Variants in RASGRP3 observed in about 807,000 individuals in gnomAD.
The protein encoded by RASGRP3 is RAS guanyl releasing protein 3.
Under a neutral mutation model 82.7 loss-of-function variants are expected in RASGRP3, and 54 were observed. The observed-to-expected ratio is 0.65, with a 90% CI of 0.52 to 0.82. The LOEUF (loss-of-function observed/expected upper bound fraction) is 0.82, where lower values mean the gene tolerates loss of function less well. Ranked by LOEUF, RASGRP3 falls within the 40% of genes least tolerant of loss-of-function variation. The pLI is 0.00. For missense variants in RASGRP3, 861 were observed against 828.9 expected (o/e 1.04, Z -0.48); for synonymous variants, 309 against 300.5 (o/e 1.03, Z -0.29).
chr2:33,532,920 A>G lies in RASGRP3; in HGVS notation c.1084-1403A>G, dbSNP rs988755765. 3 of 152,356 alleles carry G rather than the reference A, an allele frequency of 2.0e-5. No homozygotes were observed. In the East Asian group the frequency reaches 5.8e-4, roughly 29 times the overall value. 9.4% of individuals were successfully genotyped at this position (152,356 alleles called of 1,614,324 possible). ...AATGAAATTTTATGACACCAACTTCATTTTTAAAGGAAGTAGAACAGGAAA... is the reference window on the plus strand; with the variant it reads ...AATGAAATTTTATGACACCAACTTCGTTTTTAAAGGAAGTAGAACAGGAAA... On this transcript the variant is annotated intron_variant, in intron 10 of 17. Coordinates refer to ENST00000403687, the MANE Select transcript of RASGRP3 (RefSeq NM_001139488.2).
chr2:33,523,845 T>C (rs773442203), intron 7 of RASGRP3, 34 bp from the exon 8 acceptor site: 6 of 1,563,364 alleles, frequency 3.8e-6, no homozygotes, highest in Non-Finnish European at 5.2e-6. Context: ...AAGGCTCTAT[T>C]ATAATTCAGA....
At chr2:33,441,895 A>G (rs1665244458) in intron 1 of RASGRP3, among the ~76,000 whole-genome samples, 1 of 152,244 alleles carries the variant, frequency 6.6e-6, no homozygotes, top group Non-Finnish European at 1.5e-5. Flanking sequence ...TACATTTTGT[A>G]ACTAACCTAA....
intron 1 of RASGRP3, among the ~76,000 whole-genome samples, chr2:33,491,782 G>A (rs1444628472): frequency 1.3e-5 from 2 of 152,236 alleles, no homozygotes; most frequent in African/African-American, 2.4e-5. Flanking sequence ...CAGCCTCGCA[G>A]CCATCTCTCA....
In RASGRP3 at chr2:33,558,318, A is replaced by G; in HGVS notation, c.1687A>G (p.Ser563Gly). ...LSSGHGSLPG[S>G]PSLPPAQDEV... ...CAGTGGTCATGGGTCACTGCCTGGAAGCCCCTCGCTGCCCCCAGGTAATGC... is the reference window on the plus strand; with the variant it reads ...CAGTGGTCATGGGTCACTGCCTGGAGGCCCCTCGCTGCCCCCAGGTAATGC... Residue 563 changes from serine to glycine, a missense_variant, in exon 16 of 18, where the codon AGC becomes GGC. By Grantham distance (56) the Ser-to-Gly change is moderately conservative. Transcript: ENST00000403687. 6.2e-7 allele frequency: 1 copy of G among 1,613,516 alleles called. No homozygotes were observed. The highest frequency in any genetic ancestry group is 8.5e-7 in the Non-Finnish European group (1 of 1,179,868).
intron 15 of RASGRP3, among the ~76,000 whole-genome samples, chr2:33,556,932 A>G (rs892411703): frequency 2.7e-5 from 2 of 74,946 alleles, no homozygotes; most frequent in African/African-American, 1.0e-4. Flanking sequence ...CACACACGCA[A>G]TTTTATAAAG....
At chr2:33,496,485 A>G (rs1669324493) in intron 1 of RASGRP3, among the ~76,000 whole-genome samples, 1 of 152,244 alleles carries the variant, frequency 6.6e-6, no homozygotes, top group Admixed American at 6.5e-5. Flanking sequence ...AATGTTTCAG[A>G]TAGGGCCTAT....
chr2:33,499,774 A>G (rs1669686043), intron 1 of RASGRP3, among the ~76,000 whole-genome samples: 1 of 119,628 alleles, frequency 8.4e-6, no homozygotes, highest in African/African-American at 5.1e-5. Context: ...AAAAAAAAAA[A>G]GAGAGGATAA....
Position 33,542,665 on chromosome 2 carries a change from C to G in RASGRP3, c.1279-847C>G, listed in dbSNP as rs1049033853. On this transcript the variant is annotated intron_variant, in intron 12 of 17. Transcript: ENST00000403687. ...TTAATCCACCTCCTCTTTCCCCCCC[C>G]CACCAATATCACTCTATTTTATTTA... Among the ~76,000 whole-genome samples the G allele has an allele frequency of 2.1e-5, 3 of 146,304 alleles. 1 individual carries two copies. In the Admixed American group the frequency reaches 2.1e-4, roughly 10 times the overall value.
intron 12 of RASGRP3, among the ~76,000 whole-genome samples, chr2:33,542,840 T>TGG: frequency 6.6e-6 from 1 of 151,988 alleles, no homozygotes; most frequent in Non-Finnish European, 1.5e-5. Flanking sequence ...TATGCCACCA[T>TGG]GCCCAGCTAA....
rs143474029 is a variant in RASGRP3, at chr2:33,563,163, A to G, written c.*426A>G. On this transcript the variant is annotated 3_prime_UTR_variant, in exon 18 of 18. Transcript: ENST00000403687. Reference sequence around the variant, plus strand: ...GTGCTGTGGCAGGGAACAGTTAACAAGGAGTTTATTTAGAGGGGTTTTTTT... The same window carrying G: ...GTGCTGTGGCAGGGAACAGTTAACAGGGAGTTTATTTAGAGGGGTTTTTTT... 4.7e-3 allele frequency: 816 copies of G among 174,422 alleles called. 9 individuals carry two copies. The highest frequency in any genetic ancestry group is 0.018 in the African/African-American group (758 of 42,358). The allele number at this position is 174,422 out of a possible 1,614,324, so 10.8% of individuals were successfully genotyped here. A position where few individuals can be genotyped will look rare whatever the true frequency, so the allele number is the denominator to read the frequency against.
intron 11 of RASGRP3, among the ~76,000 whole-genome samples, chr2:33,534,694 A>ATTTTTTT (rs71910431): frequency 8.2e-5 from 10 of 122,240 alleles, no homozygotes; most frequent in African/African-American, 9.7e-5. Flanking sequence ...ACACCCAGCA[A>ATTTTTTT]TTTTTTTTTT....
chr2:33,555,571 A>T lies in RASGRP3; in HGVS notation c.1579+4A>T, dbSNP rs1351457537. The T allele has an allele frequency of 6.3e-7, 1 of 1,584,498 alleles. No individual in the cohort carries two copies. The highest frequency in any genetic ancestry group is 1.1e-5 in the South Asian group (1 of 88,324). ...AAGCAAGGATACAAATGCAAAGGTA[A>T]ATCAATGTTATTTTGTTACAATTTT... On this transcript the variant is annotated splice_donor_region_variant and intron_variant, in intron 15 of 17. Coordinates refer to ENST00000403687, the MANE Select transcript of RASGRP3 (RefSeq NM_001139488.2).
chr2:33,483,840 C>T lies in RASGRP3; in HGVS notation c.-261+7133C>T, dbSNP rs1668143445. Among the ~76,000 whole-genome samples, 3 of 152,220 alleles carry T rather than the reference C, an allele frequency of 2.0e-5. No individual in the cohort carries two copies. In the South Asian group the frequency reaches 6.2e-4, roughly 32 times the overall value. On this transcript the variant is annotated intron_variant, in intron 1 of 17. Coordinates refer to ENST00000403687, the MANE Select transcript of RASGRP3 (RefSeq NM_001139488.2). ...TGTTTCAAAATCACAGACAAATAAC[C>T]ACATTTGAGTGTATGTATGCAGTTT...
At chr2:33,523,605 C>G (rs1390688625) in intron 7 of RASGRP3, among the ~76,000 whole-genome samples, 1 of 152,068 alleles carries the variant, frequency 6.6e-6, no homozygotes, top group South Asian at 2.1e-4. Flanking sequence ...CATTGGAATA[C>G]AACTTTGAAT....
intron 7 of RASGRP3, among the ~76,000 whole-genome samples, 160 bp from the exon 8 acceptor site, chr2:33,523,719 A>G (rs936597818): frequency 6.6e-6 from 1 of 152,330 alleles, no homozygotes; most frequent in African/African-American, 2.4e-5. Flanking sequence ...CATTTTAAAG[A>G]CACATGTATA....
At chr2:33,455,690 T>G (rs887234942) in intron 2 of RASGRP3, among the ~76,000 whole-genome samples, 7 of 152,260 alleles carry the variant, frequency 4.6e-5, no homozygotes, top group Admixed American at 3.9e-4. Flanking sequence ...TCCATCTGTT[T>G]TCCCGATAAG....
At position 33,540,561 on chromosome 2, in the gene RASGRP3, TGTGTGTGTGTGTGTGTGTG is replaced by T. The variant is rs779428822; in HGVS notation, c.1278+1352_1278+1370del. Among the ~76,000 whole-genome samples, 211 of 117,762 alleles carry T rather than the reference TGTGTGTGTGTGTGTGTGTG, an allele frequency of 1.8e-3. 20 individuals are homozygous for T. The highest frequency in any genetic ancestry group is 3.9e-3 in the Middle Eastern group (1 of 256). 77.3% of individuals were successfully genotyped at this position (117,762 alleles called of 152,430 possible). A position where few individuals can be genotyped will look rare whatever the true frequency, so the allele number is the denominator to read the frequency against. On this transcript the variant is annotated intron_variant, in intron 12 of 17. Coordinates refer to ENST00000403687, the MANE Select transcript of RASGRP3 (RefSeq NM_001139488.2). ...TCTCTCTCTGTGTGTGTGTTTTGTG[TGTGTGTGTGTGTGTGTGTG>T]TGTGTGTGTGTGTGTGTGTGTGTGT...
At chr2:33,478,132 C>T (rs1210444863) in intron 1 of RASGRP3, among the ~76,000 whole-genome samples, 1 of 152,160 alleles carries the variant, frequency 6.6e-6, no homozygotes, top group Non-Finnish European at 1.5e-5. Context: ...CACAGTGGGT[C>T]TTGAGTACCG....
intron 11 of RASGRP3, among the ~76,000 whole-genome samples, chr2:33,536,869 G>A (rs1449348420): frequency 5.3e-5 from 8 of 152,204 alleles, no homozygotes. Context: ...GGGCCGGGGA[G>A]AGTGCTTTTG....
Sources: gnomAD v4.1 joint callset for allele counts (sites outside exome capture counted in the v4.1 genomes callset) on GRCh38, gnomAD v4.1.1 for gene constraint, MANE v1.5 for transcripts, NCBI Gene and HGNC (gene_info 2026-07-23, HGNC 2026-07-21) for gene names.